The following GAS7 variants were observed in gnomAD, a reference collection of about 807,000 sequenced individuals.
GAS7 encodes the protein growth arrest-specific protein 7.
GAS7 carries 28 observed loss-of-function variants against 71.1 expected under a neutral mutation model. The ratio of observed to expected loss-of-function variants is 0.39; its 90% CI spans 0.29 to 0.54. The LOEUF is 0.54. Ranked by LOEUF, GAS7 falls within the 20% of genes least tolerant of loss-of-function variation. The pLI is 0.62. For synonymous variants in GAS7, 258 were observed against 245.8 expected (o/e 1.05, Z -0.46); for missense variants, 436 against 627.8 (o/e 0.69, Z 3.27).
At chr17:10,058,091 C>T (rs1470528185) in intron 1 of GAS7, among the ~76,000 whole-genome samples, 2 of 152,188 alleles carry the variant, frequency 1.3e-5, no homozygotes, top group African/African-American at 4.8e-5. Flanking sequence ...ATCTCAAGTA[C>T]CCAGGGACAC....
Position 9,959,566 on chromosome 17 carries a change from T to G in GAS7, c.472-311A>C. ...GGGAGTTAACCCCTCCGCTGCCCTC[T>G]GCTGGTGAACGTTCCGCGTGCCGCT... On this transcript the variant is annotated intron_variant, in intron 4 of 13. Coordinates refer to ENST00000432992, the MANE Select transcript of GAS7 (RefSeq NM_201433.2). The surrounding 1 kb of genome is among the most constrained non-coding windows in gnomAD (Gnocchi z 5.0). 1 of 794,464 alleles carries G rather than the reference T, an allele frequency of 1.3e-6. No homozygotes were observed. Among genetic ancestry groups the G allele is most frequent in the Non-Finnish European group, 1.7e-6 (1 of 572,268 alleles). 49.2% of individuals were successfully genotyped at this position (794,464 alleles called of 1,614,324 possible).
chr17:10,094,026 C>A (rs940207324), intron 1 of GAS7, among the ~76,000 whole-genome samples: 3 of 152,178 alleles, frequency 2.0e-5, no homozygotes, highest in African/African-American at 7.2e-5. Context: ...ATCAAATCAG[C>A]TTGCAAATAG....
At chr17:10,138,820 G>A (rs989428133) in intron 1 of GAS7, among the ~76,000 whole-genome samples, 1 of 151,894 alleles carries the variant, frequency 6.6e-6, no homozygotes, top group African/African-American at 2.4e-5. Flanking sequence ...AACTAGAATC[G>A]AGGTTTCCAG....
intron 11 of GAS7, among the ~76,000 whole-genome samples, chr17:9,921,157 CTTTTTTTT>C (rs962798348): frequency 6.0e-4 from 83 of 137,406 alleles, no homozygotes; most frequent in South Asian, 1.4e-3. Context: ...GCATTTTTTT[CTTTTTTTT>C]TTTTTTTTTG....
At position 9,964,282 on chromosome 17, in the gene GAS7, G is replaced by A. The variant is rs142457575; in HGVS notation, c.472-5027C>T. Among the ~76,000 whole-genome samples the A allele has an allele frequency of 4.0e-3, 615 of 152,108 alleles. 6 individuals are homozygous for A. The highest frequency in any genetic ancestry group is 0.014 in the African/African-American group (579 of 41,472). ...TTCACAAGTGATTCAGCAGGCCCCC[G>A]ACTCCAAATGTCTTCTCAGCCCATT... On this transcript the variant is annotated intron_variant, in intron 4 of 13. Coordinates refer to ENST00000432992, the MANE Select transcript of GAS7 (RefSeq NM_201433.2).
intron 4 of GAS7, among the ~76,000 whole-genome samples, chr17:9,965,962 C>T (rs73273067): frequency 0.017 from 2,575 of 151,496 alleles, 79 homozygotes; most frequent in African/African-American, 0.058. Context: ...TGGAAAGTCC[C>T]TTTCCCCATC....
chr17:9,920,196 T>TGTG (rs1288477940), intron 11 of GAS7, among the ~76,000 whole-genome samples: 2 of 152,086 alleles, frequency 1.3e-5, no homozygotes, highest in African/African-American at 4.8e-5. Flanking sequence ...TGTGTGTGTG[T>TGTG]GTGTGTGCAT....
chr17:10,122,975 G>A (rs1217700050), intron 1 of GAS7, among the ~76,000 whole-genome samples: 2 of 152,118 alleles, frequency 1.3e-5, no homozygotes, highest in Non-Finnish European at 2.9e-5. Context: ...GGGACTACAG[G>A]TGCACACCAC....
intron 1 of GAS7, among the ~76,000 whole-genome samples, chr17:10,157,437 A>C (rs566858026): frequency 6.6e-6 from 1 of 152,188 alleles, no homozygotes; most frequent in Non-Finnish European, 1.5e-5. Context: ...CCGTTGGTCA[A>C]ACCGCTTTAT....
At chr17:10,147,651 T>A (rs996399476) in intron 1 of GAS7, among the ~76,000 whole-genome samples, 1 of 152,148 alleles carries the variant, frequency 6.6e-6, no homozygotes, top group Non-Finnish European at 1.5e-5. Context: ...AATACACTTG[T>A]AAAAATATAC....
chr17:10,144,105 G>T (rs2074103870), intron 1 of GAS7, among the ~76,000 whole-genome samples: 1 of 145,630 alleles, frequency 6.9e-6, no homozygotes, highest in Non-Finnish European at 1.5e-5. Context: ...GAAAAGCAAG[G>T]CCTGCTGGCA....
At chr17:10,169,300 C>T (rs556793229) in intron 1 of GAS7, among the ~76,000 whole-genome samples, 22 of 152,172 alleles carry the variant, frequency 1.4e-4, no homozygotes, top group African/African-American at 5.1e-4. Flanking sequence ...TTTAAAAGTT[C>T]ACATTTACAC....
intron 1 of GAS7, among the ~76,000 whole-genome samples, chr17:10,085,416 G>T (rs1252080560): frequency 6.6e-6 from 1 of 152,162 alleles, no homozygotes; most frequent in Non-Finnish European, 1.5e-5. Context: ...GGGCGCAGTG[G>T]CTCACGCCTG....
At chr17:10,104,600 G>C (rs1006816945) in intron 1 of GAS7, among the ~76,000 whole-genome samples, 1 of 152,084 alleles carries the variant, frequency 6.6e-6, no homozygotes, top group African/African-American at 2.4e-5. Flanking sequence ...CGAATCTAAT[G>C]ACTCATTTTC....
chr17:10,132,179 C>T (rs1390553096), intron 1 of GAS7, among the ~76,000 whole-genome samples: 4 of 152,248 alleles, frequency 2.6e-5, no homozygotes, highest in African/African-American at 7.2e-5. Context: ...CGTATGGATA[C>T]GTGCTCACGT....
At chr17:10,066,849 G>T (rs191109958) in intron 1 of GAS7, among the ~76,000 whole-genome samples, 1 of 152,210 alleles carries the variant, frequency 6.6e-6, no homozygotes, top group Non-Finnish European at 1.5e-5. Context: ...GTGTAGTGGT[G>T]AAGAGAGTAG....
At chr17:10,039,227 TA>T (rs34319435) in intron 1 of GAS7, among the ~76,000 whole-genome samples, 60 of 144,560 alleles carry the variant, frequency 4.2e-4, no homozygotes, top group Admixed American at 7.6e-4. Flanking sequence ...TTGCCATGAT[TA>T]AAAAAAAAAA....
intron 1 of GAS7, among the ~76,000 whole-genome samples, chr17:10,185,664 T>C (rs1044477306): frequency 9.2e-5 from 14 of 152,176 alleles, no homozygotes; most frequent in Non-Finnish European, 1.8e-4. Flanking sequence ...GTGACACTAC[T>C]TGACATATGA....
intron 1 of GAS7, among the ~76,000 whole-genome samples, chr17:10,130,443 T>C (rs891415030): frequency 6.6e-6 from 1 of 151,990 alleles, no homozygotes; most frequent in Middle Eastern, 3.2e-3. Flanking sequence ...GCCTGGCCAT[T>C]CCTCAAAAGG....
Sources: gnomAD v4.1 joint callset for allele counts (sites outside exome capture counted in the v4.1 genomes callset) on GRCh38, gnomAD v4.1.1 for gene constraint, Gnocchi (gnomAD v3.1) non-coding constraint, MANE v1.5 for transcripts, NCBI Gene and HGNC (gene_info 2026-07-23, HGNC 2026-07-21) for gene names.